Variants in EXT1 observed in about 807,000 individuals in gnomAD.
EXT1 encodes exostosin-1.
A neutral mutation model predicts 82.5 loss-of-function variants in EXT1; 20 were observed. That is an observed-to-expected ratio of 0.24 (90% CI 0.17 to 0.35). EXT1 has a LOEUF of 0.35. EXT1 is among the 10% of genes least tolerant of loss of function. The pLI is 1.00. For missense variants in EXT1, 757 were observed against 936.5 expected, an observed-to-expected ratio of 0.81 and a Z score of 2.50; for synonymous variants, 348 against 350.8, an observed-to-expected ratio of 0.99 and a Z score of 0.09.
chr8:117,889,535 CA>C (rs1205717972), intron 1 of EXT1, among the ~76,000 whole-genome samples: 2 of 152,162 alleles, frequency 1.3e-5, no homozygotes, highest in African/African-American at 4.8e-5. Flanking sequence ...GAGCCTGGAT[CA>C]GGGGAGCCCA....
rs367905381 is a variant in EXT1 at position 117,991,171 on chromosome 8, C to T, written c.962+118914G>A. Among the ~76,000 whole-genome samples the T allele has an allele frequency of 1.2e-4, 18 of 151,600 alleles. 1 individual carries two copies. In the East Asian group the frequency reaches 2.7e-3, roughly 23 times the overall value. On this transcript the variant is annotated intron_variant, in intron 1 of 10. Coordinates refer to ENST00000378204, the MANE Select transcript of EXT1 (RefSeq NM_000127.3). ...ACCCAGACTAGATGGAGTACAGTGG[C>T]GCAATCTTGGCTCACTGCAACCTCC... is the stretch of plus-strand genomic sequence containing the variant.
intron 1 of EXT1, among the ~76,000 whole-genome samples, chr8:118,013,463 C>G (rs1416720384): frequency 1.3e-5 from 2 of 152,166 alleles, no homozygotes; most frequent in Non-Finnish European, 2.9e-5. Context: ...CCCGCCTCGG[C>G]CTCCCAAAGT....
chr8:118,001,898 C>A (rs1038306909), intron 1 of EXT1, among the ~76,000 whole-genome samples: 2 of 152,172 alleles, frequency 1.3e-5, no homozygotes, highest in African/African-American at 4.8e-5. Context: ...TCCCATTGGC[C>A]AATTTCATAA....
At chr8:118,033,547 T>G (rs17453924) in intron 1 of EXT1, among the ~76,000 whole-genome samples, 12,679 of 152,234 alleles carry the variant, frequency 0.083, 830 homozygotes, top group Non-Finnish European at 0.13. Flanking sequence ...GGCATGATCA[T>G]AGTTCACTGT....
At chr8:118,090,603 C>A (rs1456201418) in intron 1 of EXT1, among the ~76,000 whole-genome samples, 1 of 151,626 alleles carries the variant, frequency 6.6e-6, no homozygotes, top group Non-Finnish European at 1.5e-5. Context: ...CATGATGAAA[C>A]CCCATCTCTA....
chr8:118,024,468 G>A lies in EXT1; in HGVS notation c.962+85617C>T, dbSNP rs137905954. On this transcript the variant is annotated intron_variant, in intron 1 of 10. Transcript: ENST00000378204. The stretch of plus-strand genomic sequence containing the variant: ...TTTCATTCATTCAACTATGATCTAC[G>A]GAGATCCTATTATATTCCAGGTAAT... Among the ~76,000 whole-genome samples, 357 of 151,782 alleles carry A rather than the reference G, an allele frequency of 2.4e-3. 1 individual carries two copies. Among genetic ancestry groups the A allele is most frequent in the African/African-American group, 8.0e-3 (331 of 41,362 alleles).
intron 1 of EXT1, among the ~76,000 whole-genome samples, chr8:117,921,723 G>C (rs1813860752): frequency 6.6e-6 from 1 of 152,086 alleles, no homozygotes; most frequent in Non-Finnish European, 1.5e-5. Context: ...AACAGCTTGG[G>C]CATTATTTAT....
intron 1 of EXT1, among the ~76,000 whole-genome samples, chr8:117,874,143 GTCATT>G (rs1278535156): frequency 6.6e-6 from 1 of 152,122 alleles, no homozygotes; most frequent in Non-Finnish European, 1.5e-5. Context: ...ATTTTAAATG[GTCATT>G]TCTTTTTTAA....
intron 1 of EXT1, among the ~76,000 whole-genome samples, chr8:117,995,700 T>C (rs953083759): frequency 1.3e-5 from 2 of 152,214 alleles, no homozygotes; most frequent in Non-Finnish European, 2.9e-5. Flanking sequence ...CCAGTTTTCA[T>C]GTTGCTTCTT....
At position 118,059,593 on chromosome 8, in the gene EXT1, G is replaced by A. The variant is rs139162535; in HGVS notation, c.962+50492C>T. On this transcript the variant is annotated intron_variant, in intron 1 of 10. Coordinates refer to ENST00000378204, the MANE Select transcript of EXT1 (RefSeq NM_000127.3). The stretch of plus-strand genomic sequence containing the variant: ...GAACTCCACAGACACAGAGGCAGCA[G>A]CAGCTTTTGGAATGTTTCATCCGTT... Among the ~76,000 whole-genome samples the A allele has an allele frequency of 4.8e-3, 724 of 152,362 alleles. 5 individuals are homozygous for A. The highest frequency in any genetic ancestry group is 0.016 in the African/African-American group (671 of 41,588).
intron 1 of EXT1, among the ~76,000 whole-genome samples, chr8:118,085,447 T>C (rs566702865): frequency 6.6e-6 from 1 of 151,654 alleles, no homozygotes; most frequent in African/African-American, 2.4e-5. Flanking sequence ...CCTAAAGGGT[T>C]GTTTTGTTTG....
intron 1 of EXT1, among the ~76,000 whole-genome samples, chr8:117,906,161 C>G (rs1813540779): frequency 6.6e-6 from 1 of 152,196 alleles, no homozygotes. Flanking sequence ...CCTCACCATT[C>G]AAGGTCTTAT....
At chr8:118,022,695 G>C (rs1290225812) in intron 1 of EXT1, among the ~76,000 whole-genome samples, 1 of 151,674 alleles carries the variant, frequency 6.6e-6, no homozygotes, top group African/African-American at 2.4e-5. Flanking sequence ...GACTCCCAAG[G>C]TTAACCCAAC....
chr8:117,836,309 G>A (rs1052177793), intron 2 of EXT1, among the ~76,000 whole-genome samples: 1 of 152,184 alleles, frequency 6.6e-6, no homozygotes, highest in Non-Finnish European at 1.5e-5. Flanking sequence ...GAGCAACTTG[G>A]AAAAGACATT....
At chr8:117,973,352 G>A (rs1243382476) in intron 1 of EXT1, among the ~76,000 whole-genome samples, 1 of 152,156 alleles carries the variant, frequency 6.6e-6, no homozygotes, top group Non-Finnish European at 1.5e-5. Flanking sequence ...TCTAACCAGT[G>A]TTGTATGGGA....
At chr8:118,086,026 G>T (rs981496955) in intron 1 of EXT1, among the ~76,000 whole-genome samples, 1 of 152,100 alleles carries the variant, frequency 6.6e-6, no homozygotes, top group Non-Finnish European at 1.5e-5. Context: ...CCTACTCAGC[G>T]AGGCCTCATT....
intron 1 of EXT1, among the ~76,000 whole-genome samples, chr8:117,887,139 A>T (rs1378852818): frequency 6.6e-6 from 1 of 152,206 alleles, no homozygotes; most frequent in East Asian, 1.9e-4. Flanking sequence ...TATTTGTAAT[A>T]TATAACAAAT....
intron 1 of EXT1, among the ~76,000 whole-genome samples, chr8:117,902,774 T>C (rs1813473909): frequency 6.6e-6 from 1 of 152,242 alleles, no homozygotes; most frequent in South Asian, 2.1e-4. Context: ...TTCTCCTCTA[T>C]GCCTGCCAAG....
At chr8:118,073,636 A>AGAGAAGAGAG in intron 1 of EXT1, among the ~76,000 whole-genome samples, 1 of 30,154 alleles carries the variant, frequency 3.3e-5, no homozygotes, top group Non-Finnish European at 8.0e-5. Flanking sequence ...AAGAGAAAGA[A>AGAGAAGAGAG]GAGAAGAGAA....
Sources: gnomAD v4.1 joint callset for allele counts (sites outside exome capture counted in the v4.1 genomes callset) on GRCh38, gnomAD v4.1.1 for gene constraint, MANE v1.5 for transcripts, NCBI Gene and HGNC (gene_info 2026-07-23, HGNC 2026-07-21) for gene names.